Variants in ACAA1 observed in about 807,000 individuals in gnomAD.
ACAA1 encodes the protein acetyl-CoA acyltransferase 1, also known as 3-ketoacyl-CoA thiolase, peroxisomal.
In ACAA1, 44 loss-of-function variants were observed where a neutral mutation model predicts 48.8. That is an observed-to-expected ratio of 0.90 (90% CI 0.71 to 1.16). The LOEUF is 1.16. Among genes scored for constraint, ACAA1 ranks in the 50% most tolerant of loss-of-function variants. The pLI is 0.00. For synonymous variants in ACAA1, 233 were observed against 226.5 expected (o/e 1.03, Z -0.26); for missense variants, 512 against 562.3 (o/e 0.91, Z 0.90).
intron 5 of ACAA1, among the ~76,000 whole-genome samples, chr3:38,130,741 A>G (rs916245130): frequency 1.3e-5 from 2 of 152,274 alleles, no homozygotes; most frequent in African/African-American, 4.8e-5. Flanking sequence ...TTGCCCAGCC[A>G]AAGTCCTTGC....
chr3:38,123,419 A>AAGACACAATCCC (rs1464963819), intron 11 of ACAA1: 1 of 323,852 alleles, frequency 3.1e-6, no homozygotes, highest in Non-Finnish European at 5.7e-6. Flanking sequence ...ATAATCCCAA[A>AAGACACAATCCC]AGACACAATC....
Position 38,122,781 on chromosome 3 carries a change from T to A in ACAA1, c.*266A>T. 3.5e-6 allele frequency: 4 copies of A among 1,136,220 alleles called. No homozygotes were observed. Among genetic ancestry groups the A allele is most frequent in the Non-Finnish European group, 4.8e-6 (4 of 835,004 alleles). 70.4% of individuals were successfully genotyped at this position (1,136,220 alleles called of 1,614,324 possible). On this transcript the variant is annotated 3_prime_UTR_variant, in exon 12 of 12. Coordinates refer to ENST00000333167, the MANE Select transcript of ACAA1 (RefSeq NM_001607.4). ...CATGGATTTGCCTTGCCTTAAGAAT[T>A]AACCATGGCCTTGTGGCCTGGGTGA...
At chr3:38,128,457 A>C (rs1290738089) in intron 6 of ACAA1, among the ~76,000 whole-genome samples, 1 of 152,214 alleles carries the variant, frequency 6.6e-6, no homozygotes, top group East Asian at 1.9e-4. Flanking sequence ...TATGTGAAAG[A>C]AGCCATGGCA....
chr3:38,128,128 A>C (rs1433842932), intron 6 of ACAA1, among the ~76,000 whole-genome samples: 14 of 152,138 alleles, frequency 9.2e-5, no homozygotes, highest in Non-Finnish European at 1.3e-4. Flanking sequence ...ACTTTCTTCA[A>C]GAGAGGGCAG....
At position 38,134,334 on chromosome 3, in the gene ACAA1, G is replaced by A. The variant is rs920845981; in HGVS notation, c.266-325C>T. On this transcript the variant is annotated intron_variant, in intron 2 of 11. Transcript: ENST00000333167. ...TTTCTGAAAATGCACATCTCCCCAG[G>A]TATCCTCCTGTGAGCCCTGCTGTCA... is the stretch of plus-strand genomic sequence containing the variant. The A allele has an allele frequency of 1.9e-5, 8 of 431,932 alleles. No homozygotes were observed. In the East Asian group the frequency reaches 4.0e-4, roughly 22 times the overall value. The allele number at this position is 431,932 out of a possible 1,614,324, so 26.8% of individuals were successfully genotyped here.
At chr3:38,131,713 C>T (rs924235030) in intron 4 of ACAA1, 75 bp from the exon 5 acceptor site, 1 of 1,511,710 alleles carries the variant, frequency 6.6e-7, no homozygotes, top group African/African-American at 1.4e-5. Context: ...CTCTTCCCCA[C>T]CTGGTCTCTA....
chr3:38,131,736 C>A (rs1700793389), intron 4 of ACAA1, 98 bp from the exon 5 acceptor site: 2 of 1,423,248 alleles, frequency 1.4e-6, no homozygotes, highest in Non-Finnish European at 2.0e-6. Context: ...TGGGACTCAG[C>A]CCCAGCCTCA....
intron 2 of ACAA1, chr3:38,134,396 G>C (rs1700846128): frequency 5.1e-5 from 22 of 428,290 alleles, no homozygotes; most frequent in South Asian, 4.1e-4. Context: ...CGACCTAGGG[G>C]TGGCATCCGC....
rs117484375 is a variant in ACAA1, at chr3:38,125,864, C to T, written c.1015G>A (p.Val339Met). 2.2e-5 allele frequency: 35 copies of T among 1,614,210 alleles called. No individual in the cohort carries two copies. The East Asian group carries it at 2.7e-4, about 12-fold the overall frequency. Residue 339 changes from valine to methionine, a missense_variant, in exon 10 of 12, where the codon GTG becomes ATG. Physicochemically the swap from Val to Met is conservative, Grantham distance 21. Transcript: ENST00000333167. ...LQKAGLTVSD[V>M]DIFEINEAFA... The stretch of plus-strand genomic sequence containing the variant: ...GCCTCATTGATCTCGAAGATGTCCA[C>T]GTCACTCACTGTCAGCCCTGCAGAC...
Position 38,123,114 on chromosome 3 carries a change from C to T in ACAA1, c.1208G>A (p.Gly403Glu). 2 of 1,614,192 alleles carry T rather than the reference C, an allele frequency of 1.2e-6. No homozygotes were observed. The highest frequency in any genetic ancestry group is 1.7e-5 in the Admixed American group (1 of 60,022). Residue 403 changes from glycine (G) to glutamate (E), a missense_variant, in exon 12 of 12, where the codon GGA becomes GAA. Coordinates refer to ENST00000333167, the MANE Select transcript of ACAA1 (RefSeq NM_001607.4). ...ELKRRGKRAY[G>E]VVSMCIGTGM... ...AGTCCCGATGCACATGGACACCACT[C>T]CGTATGCCCTGTGAAAACAAAACTT...
At position 38,127,633 on chromosome 3, in the gene ACAA1, T is replaced by A. The variant is rs559483288; in HGVS notation, c.626+153A>T. On this transcript the variant is annotated intron_variant, in intron 7 of 11. Coordinates refer to ENST00000333167, the MANE Select transcript of ACAA1 (RefSeq NM_001607.4). ...ACCAACTCACAGTGGCCCTGACACTTCCTACTTCCCACCCCCAACCTGGGT... is the reference window on the plus strand; with the variant it reads ...ACCAACTCACAGTGGCCCTGACACTACCTACTTCCCACCCCCAACCTGGGT... The A allele has an allele frequency of 4.6e-5, 32 of 699,548 alleles. No individual in the cohort carries two copies. The African/African-American group carries it at 5.6e-4, about 12-fold the overall frequency. The allele number at this position is 699,548 out of a possible 1,614,324, so 43.3% of individuals were successfully genotyped here.
intron 2 of ACAA1, 47 bp downstream of exon 2, chr3:38,136,545 C>G (rs1300948758): frequency 1.2e-6 from 2 of 1,607,004 alleles, no homozygotes; most frequent in Non-Finnish European, 1.7e-6. Context: ...TCTGGACGAA[C>G]GGAAGAACGG....
At chr3:38,133,386 G>A (rs1389030312) in intron 3 of ACAA1, 3 of 152,426 alleles carry the variant, frequency 2.0e-5, no homozygotes, top group Admixed American at 1.3e-4. Context: ...TTGTTTTCCT[G>A]TTCCTTCACT....
Position 38,125,605 on chromosome 3 carries a change from C to T in ACAA1, c.1159G>A (p.Val387Ile). The T allele has an allele frequency of 6.3e-7, 1 of 1,591,760 alleles. No individual in the cohort carries two copies. The highest frequency in any genetic ancestry group is 8.6e-7 in the Non-Finnish European group (1 of 1,168,218). ...TTCAGCTCATTGAGCAGCGTGATGA[C>T]CTGTCGTGCCCCAGTGCAGCCCAGT... is the stretch of plus-strand genomic sequence containing the variant. ...HPLGCTGARQ[V>I]ITLLNELKRR... Residue 387 changes from valine (V) to isoleucine (I), a missense_variant, in exon 11 of 12, where the codon GTC (valine) becomes ATC (isoleucine). Transcript: ENST00000333167.
At chr3:38,124,448 A>G (rs1435945365) in intron 11 of ACAA1, 1 of 152,234 alleles carries the variant, frequency 6.6e-6, no homozygotes, top group Non-Finnish European at 1.5e-5. Context: ...TCTACAAAAA[A>G]TACGAAAAAT....
At chr3:38,128,308 C>G (rs1350953567) in intron 6 of ACAA1, among the ~76,000 whole-genome samples, 1 of 152,164 alleles carries the variant, frequency 6.6e-6, no homozygotes. Flanking sequence ...ATGAGGACTC[C>G]CAAATCTCCT....
intron 5 of ACAA1, among the ~76,000 whole-genome samples, chr3:38,130,781 T>G (rs901305402): frequency 6.6e-6 from 1 of 152,228 alleles, no homozygotes; most frequent in African/African-American, 2.4e-5. Context: ...TTTACAACTG[T>G]AGACATAGGT....
At position 38,129,225 on chromosome 3, in the gene ACAA1, A is replaced by G; in HGVS notation, c.545+65T>C. On this transcript the variant is annotated intron_variant, in intron 6 of 11. Transcript: ENST00000333167. The surrounding 1 kb of genome is among the most constrained non-coding windows in gnomAD (Gnocchi z 5.3). ...GCACCACCAGCCACAGAGATGATAA[A>G]AGTTCCTTGGCTCCCTGCCCCAGGC... 2 of 1,464,038 alleles carry G rather than the reference A, an allele frequency of 1.4e-6. No individual in the cohort carries two copies. Among genetic ancestry groups the G allele is most frequent in the Non-Finnish European group, 1.9e-6 (2 of 1,052,226 alleles). The allele number at this position is 1,464,038 out of a possible 1,614,324, so 90.7% of individuals were successfully genotyped here.
At chr3:38,128,142 G>A (rs1700716149) in intron 6 of ACAA1, among the ~76,000 whole-genome samples, 1 of 152,222 alleles carries the variant, frequency 6.6e-6, no homozygotes, top group Non-Finnish European at 1.5e-5. Flanking sequence ...AGGGCAGCCT[G>A]CATGGGGGCA....
Sources: allele counts gnomAD v4.1 joint callset (sites outside exome capture counted in the v4.1 genomes callset), GRCh38; gene constraint gnomAD v4.1.1; non-coding constraint Gnocchi (gnomAD v3.1); transcripts MANE v1.5; gene names NCBI Gene and HGNC (gene_info 2026-07-23, HGNC 2026-07-21).